The following NCMAP variants were observed in gnomAD, a reference collection of about 807,000 sequenced individuals.
NCMAP encodes noncompact myelin-associated protein.
A neutral mutation model predicts 7.8 loss-of-function variants in NCMAP; 8 were observed. The observed-to-expected ratio is 1.02, with a 90% CI of 0.60 to 1.84. The LOEUF is 1.84. Among genes scored for constraint, NCMAP ranks in the 40% most tolerant of loss-of-function variants. The pLI, the probability that NCMAP is intolerant of heterozygous loss-of-function variation, is 0.00. For missense variants in NCMAP, 112 were observed against 131.4 expected (o/e 0.85, Z 0.72); for synonymous variants, 41 against 52.9 (o/e 0.78, Z 0.98).
Position 24,595,404 on chromosome 1 carries a change from ATCT to A in NCMAP, c.-7-12_-7-10del, listed in dbSNP as rs753839834. 3.3e-5 allele frequency: 51 copies of A among 1,560,392 alleles called. No individual in the cohort carries two copies. Among genetic ancestry groups the A allele is most frequent in the Middle Eastern group, 1.7e-4 (1 of 5,928 alleles). On this transcript the variant is annotated splice_polypyrimidine_tract_variant and intron_variant, in intron 1 of 3. Transcript: ENST00000374392. ...GGATTTATCTAATTTTAAACAAAATATCTTCTTCTTTCTCATCAGGATCGAGAT... is the reference window on the plus strand; with the variant it reads ...GGATTTATCTAATTTTAAACAAAATATCTTCTTTCTCATCAGGATCGAGAT...
intron 1 of NCMAP, among the ~76,000 whole-genome samples, chr1:24,567,896 G>A (rs1487313270): frequency 6.6e-6 from 1 of 152,128 alleles, no homozygotes; most frequent in East Asian, 1.9e-4. Context: ...GGCGGGGGCT[G>A]AAGTGTAAAG....
intron 1 of NCMAP, among the ~76,000 whole-genome samples, chr1:24,589,916 G>A (rs1007991378): frequency 2.0e-5 from 3 of 152,078 alleles, no homozygotes; most frequent in South Asian, 2.1e-4. Flanking sequence ...TCTGCCTCCC[G>A]GGTTCAAGCA....
At chr1:24,596,425 G>A (rs1249361147) in intron 2 of NCMAP, among the ~76,000 whole-genome samples, 1 of 152,194 alleles carries the variant, frequency 6.6e-6, no homozygotes. Flanking sequence ...GCTCATGCCT[G>A]TAATCCCAGC....
intron 2 of NCMAP, 129 bp downstream of exon 2, chr1:24,595,641 C>A: frequency 1.6e-6 from 1 of 624,400 alleles, no homozygotes. Flanking sequence ...CTGCCACGTG[C>A]CAACTGCAGC....
At chr1:24,601,107 C>T (rs891343938) in intron 3 of NCMAP, 83 bp downstream of exon 3, 14 of 1,095,298 alleles carry the variant, frequency 1.3e-5, no homozygotes, top group East Asian at 2.4e-5. Flanking sequence ...TATGGGTGTC[C>T]GTCGTGTGCC....
intron 1 of NCMAP, among the ~76,000 whole-genome samples, chr1:24,590,624 A>G (rs748220354): frequency 1.1e-4 from 17 of 152,112 alleles, no homozygotes; most frequent in Non-Finnish European, 2.1e-4. Context: ...TTTTAGAGAC[A>G]AGGTCTTGCT....
intron 1 of NCMAP, among the ~76,000 whole-genome samples, chr1:24,587,214 A>T (rs1651906224): frequency 6.6e-6 from 1 of 152,170 alleles, no homozygotes; most frequent in African/African-American, 2.4e-5. Context: ...GACACAGAGG[A>T]ATGAGGAACC....
intron 1 of NCMAP, among the ~76,000 whole-genome samples, chr1:24,565,329 G>C (rs942568469): frequency 2.0e-5 from 3 of 151,900 alleles, no homozygotes; most frequent in African/African-American, 7.3e-5. Flanking sequence ...CCTGGATCCA[G>C]GGACCTGGAA....
chr1:24,590,075 C>T (rs970857562), intron 1 of NCMAP, among the ~76,000 whole-genome samples: 40 of 152,156 alleles, frequency 2.6e-4, no homozygotes, highest in Admixed American at 1.1e-3. Context: ...GCTGGGATTA[C>T]AGGTGTGAGC....
chr1:24,588,492 G>T (rs1375910617), intron 1 of NCMAP, among the ~76,000 whole-genome samples: 1 of 152,184 alleles, frequency 6.6e-6, no homozygotes, highest in Non-Finnish European at 1.5e-5. Context: ...TCTTATCCAG[G>T]GAGGAACTTG....
intron 1 of NCMAP, among the ~76,000 whole-genome samples, chr1:24,575,914 T>C (rs1570521713): frequency 2.4e-5 from 1 of 41,872 alleles, no homozygotes; most frequent in Non-Finnish European, 3.6e-5. Flanking sequence ...CATTGCACTC[T>C]CAAAAAAAAA....
At chr1:24,595,263 C>T (rs1482208739) in intron 1 of NCMAP, among the ~76,000 whole-genome samples, 161 bp from the exon 2 acceptor site, 2 of 152,178 alleles carry the variant, frequency 1.3e-5, no homozygotes, top group Non-Finnish European at 2.9e-5. Context: ...TAAATCCCCA[C>T]CCACGGTATC....
intron 1 of NCMAP, among the ~76,000 whole-genome samples, chr1:24,564,973 T>C (rs1217863216): frequency 1.3e-5 from 2 of 151,996 alleles, no homozygotes; most frequent in Non-Finnish European, 2.9e-5. Context: ...CTTAGGCAAA[T>C]AAAGCCTCAG....
Position 24,605,889 on chromosome 1 carries a change from C to T in NCMAP, c.*142C>T. 1 of 996,450 alleles carries T rather than the reference C, an allele frequency of 1.0e-6. No individual in the cohort carries two copies. Among genetic ancestry groups the T allele is most frequent in the African/African-American group, 1.6e-5 (1 of 60,884 alleles). 61.7% of individuals were successfully genotyped at this position (996,450 alleles called of 1,614,324 possible). A position where few individuals can be genotyped will look rare whatever the true frequency, so the allele number is the denominator to read the frequency against. On this transcript the variant is annotated 3_prime_UTR_variant, in exon 4 of 4. Transcript: ENST00000374392. The stretch of plus-strand genomic sequence containing the variant: ...ATCTTTGACGCAATCTCTGATGCTT[C>T]CAGCAATCCTCAACCTTGTCTGCCC...
At chr1:24,602,005 C>T (rs1401257544) in intron 3 of NCMAP, among the ~76,000 whole-genome samples, 3 of 150,500 alleles carry the variant, frequency 2.0e-5, no homozygotes, top group African/African-American at 4.9e-5. Flanking sequence ...CGCGCCACTG[C>T]ACTCCATGCT....
At chr1:24,574,625 C>T (rs182624910) in intron 1 of NCMAP, among the ~76,000 whole-genome samples, 42 of 152,100 alleles carry the variant, frequency 2.8e-4, no homozygotes, top group African/African-American at 8.7e-4. Flanking sequence ...CTCTGGAGAA[C>T]TCCGACATAT....
chr1:24,594,213 G>T (rs923952618), intron 1 of NCMAP, among the ~76,000 whole-genome samples: 5 of 151,984 alleles, frequency 3.3e-5, no homozygotes, highest in African/African-American at 1.2e-4. Flanking sequence ...TAATATCATC[G>T]TGCCTAGATT....
intron 1 of NCMAP, among the ~76,000 whole-genome samples, chr1:24,585,020 G>C (rs1351530985): frequency 1.3e-5 from 2 of 151,924 alleles, no homozygotes; most frequent in Non-Finnish European, 2.9e-5. Context: ...TGAAAGAATA[G>C]ATGGGTAAAT....
At chr1:24,560,497 T>C (rs2148924217) in intron 1 of NCMAP, among the ~76,000 whole-genome samples, 1 of 152,234 alleles carries the variant, frequency 6.6e-6, no homozygotes, top group East Asian at 1.9e-4. Flanking sequence ...GGGCCCGGGG[T>C]GTTGGCTCAC....
Sources: gnomAD v4.1 joint callset for allele counts (sites outside exome capture counted in the v4.1 genomes callset) on GRCh38, gnomAD v4.1.1 for gene constraint, MANE v1.5 for transcripts, NCBI Gene and HGNC (gene_info 2026-07-23, HGNC 2026-07-21) for gene names.